The following ERICH6B variants were observed in gnomAD, a reference collection of about 807,000 sequenced individuals.
ERICH6B encodes the protein glutamate rich 6B.
ERICH6B carries 69 observed loss-of-function variants against 80.0 expected under a neutral mutation model. The ratio of observed to expected loss-of-function variants is 0.86; its 90% confidence interval spans 0.71 to 1.05. The LOEUF is 1.05. ERICH6B is among the 50% of genes least tolerant of loss of function. ERICH6B has a pLI of 0.00. For missense variants in ERICH6B, 754 were observed against 796.1 expected (o/e 0.95, Z 0.64); for synonymous variants, 283 against 291.9 (o/e 0.97, Z 0.31).
chr13:45,563,497 A>G (rs1401921518), intron 10 of ERICH6B, among the ~76,000 whole-genome samples: 1 of 152,152 alleles, frequency 6.6e-6, no homozygotes, highest in Non-Finnish European at 1.5e-5. Flanking sequence ...CTCTGTGTTC[A>G]GATCCCCCAC....
intron 3 of ERICH6B, 29 bp from the exon 4 acceptor site, chr13:45,590,726 A>G: frequency 6.5e-7 from 1 of 1,540,662 alleles, no homozygotes; most frequent in South Asian, 1.2e-5. Context: ...AAAAAGCAAT[A>G]TTGGCAAAAA....
chr13:45,546,451 T>C (rs2986000), intron 13 of ERICH6B, among the ~76,000 whole-genome samples: 92,373 of 152,078 alleles, frequency 0.61, 30,121 homozygotes, highest in African/African-American at 0.84. Context: ...ATGTACTACA[T>C]TTTATCTAGA....
At chr13:45,562,156 G>A (rs1038626291) in intron 10 of ERICH6B, among the ~76,000 whole-genome samples, 1 of 152,172 alleles carries the variant, frequency 6.6e-6, no homozygotes, top group Admixed American at 6.5e-5. Context: ...TCTGCCTCCT[G>A]GGTTCAAGCA....
chr13:45,604,141 T>C (rs918902611), intron 2 of ERICH6B, among the ~76,000 whole-genome samples: 3 of 152,226 alleles, frequency 2.0e-5, no homozygotes, highest in African/African-American at 7.2e-5. Flanking sequence ...TCTCTCACAG[T>C]GCAGTGCGGT....
chr13:45,580,819 T>C (rs1875626007), intron 5 of ERICH6B, among the ~76,000 whole-genome samples, 154 bp from the exon 6 acceptor site: 1 of 152,136 alleles, frequency 6.6e-6, no homozygotes, highest in Admixed American at 6.5e-5. Flanking sequence ...AGCTGGCATA[T>C]ATAGATGCCC....
At chr13:45,579,784 G>A in intron 7 of ERICH6B, 149 bp downstream of exon 7, 1 of 669,342 alleles carries the variant, frequency 1.5e-6, no homozygotes, top group East Asian at 2.7e-5. Context: ...AGGAGGTTTG[G>A]GGTCCGTGTG....
chr13:45,601,007 C>A (rs142694229), intron 2 of ERICH6B, among the ~76,000 whole-genome samples: 8 of 152,300 alleles, frequency 5.3e-5, no homozygotes, highest in African/African-American at 1.9e-4. Context: ...CCTCCCCATG[C>A]CCCAGGCCTG....
chr13:45,566,824 G>A (rs896171239), intron 9 of ERICH6B, among the ~76,000 whole-genome samples: 1 of 152,224 alleles, frequency 6.6e-6, no homozygotes, highest in African/African-American at 2.4e-5. Context: ...ATGGAGCTAT[G>A]AGAAGAGGGC....
At position 45,607,578 on chromosome 13, in the gene ERICH6B, A is replaced by G. The variant is rs1013459400; in HGVS notation, c.-73T>C. The G allele has an allele frequency of 6.6e-6, 1 of 152,438 alleles. No homozygotes were observed. The allele number at this position is 152,438 out of a possible 1,614,324, so 9.4% of individuals were successfully genotyped here. On this transcript the variant is annotated 5_prime_UTR_variant, in exon 2 of 15. Transcript: ENST00000298738. ...TGAGTACTTACAATGTCAGGGGGTA[A>G]ACTGAGTCCAAGCCAAGAGAGTTTT...
At chr13:45,562,029 T>A (rs1296522173) in intron 10 of ERICH6B, among the ~76,000 whole-genome samples, 1 of 152,244 alleles carries the variant, frequency 6.6e-6, no homozygotes, top group Non-Finnish European at 1.5e-5. Context: ...ATGATTGGGC[T>A]CTGTGATCAT....
At chr13:45,543,309 G>C (rs577683550) in intron 14 of ERICH6B, among the ~76,000 whole-genome samples, 79 of 152,302 alleles carry the variant, frequency 5.2e-4, no homozygotes, top group African/African-American at 1.9e-3. Flanking sequence ...TCAACATTTT[G>C]AGTAGGTGGA....
intron 5 of ERICH6B, among the ~76,000 whole-genome samples, chr13:45,582,137 A>G (rs967542302): frequency 2.0e-5 from 3 of 152,082 alleles, no homozygotes; most frequent in African/African-American, 7.2e-5. Flanking sequence ...TCTTTGTGTG[A>G]CGTAGTCTCC....
Position 45,568,322 on chromosome 13 carries a change from C to A in ERICH6B, c.1180G>T (p.Val394Leu). The A allele has an allele frequency of 6.5e-7, 1 of 1,542,238 alleles. No homozygotes were observed. Among genetic ancestry groups the A allele is most frequent in the South Asian group, 1.2e-5 (1 of 81,488 alleles). ...GCCTCACCAGTTACTTACATAATTA[C>A]CAGTTTCCATCTGTTTTCACTTTCC... ...LLESENRWKL[V>L]IMLKKNYEKF... The change falls in exon 9 of 15, where the codon GTA becomes TTA. Residue 394 changes from valine (V) to leucine (L), a missense_variant. Val to Leu is a conservative substitution (Grantham distance 32). Coordinates refer to ENST00000298738, the MANE Select transcript of ERICH6B (RefSeq NM_182542.3).
intron 13 of ERICH6B, among the ~76,000 whole-genome samples, 191 bp downstream of exon 13, chr13:45,549,702 G>A (rs1352013907): frequency 2.0e-5 from 3 of 152,196 alleles, no homozygotes; most frequent in East Asian, 1.9e-4. Flanking sequence ...GAGGAGCAAC[G>A]GTGCAGGAAG....
At chr13:45,572,199 T>C (rs1357333353) in intron 8 of ERICH6B, among the ~76,000 whole-genome samples, 1 of 152,236 alleles carries the variant, frequency 6.6e-6, no homozygotes, top group Non-Finnish European at 1.5e-5. Context: ...TGTACCCTTC[T>C]TGTCCTCTTC....
intron 1 of ERICH6B, among the ~76,000 whole-genome samples, chr13:45,613,917 G>A (rs969109752): frequency 6.6e-6 from 1 of 152,302 alleles, no homozygotes; most frequent in Admixed American, 6.5e-5. Context: ...GGGGACTCAT[G>A]GATACAGATT....
At chr13:45,596,326 T>A in intron 3 of ERICH6B, 43 bp downstream of exon 3, 1 of 1,511,146 alleles carries the variant, frequency 6.6e-7, no homozygotes, top group Non-Finnish European at 8.8e-7. Context: ...CCCTTTCAGA[T>A]ACTTTTCCTC....
intron 13 of ERICH6B, among the ~76,000 whole-genome samples, chr13:45,545,429 A>G (rs986742912): frequency 4.6e-5 from 7 of 152,196 alleles, no homozygotes; most frequent in Admixed American, 3.3e-4. Flanking sequence ...TAGATATGGT[A>G]AATTCTCATT....
At position 45,596,884 on chromosome 13, in the gene ERICH6B, T is replaced by C; in HGVS notation, c.122A>G (p.Glu41Gly). ...AAATGGAGATTCATCCTGTAGACTTTCCTCATCTAGTTCTACTTCAGTATC... is the reference window on the plus strand; with the variant it reads ...AAATGGAGATTCATCCTGTAGACTTCCCTCATCTAGTTCTACTTCAGTATC... ...KEDTEVELDE[E>G]SLQDESPFSP... Residue 41 changes from glutamate to glycine, a missense_variant, in exon 3 of 15, where the codon GAA (glutamate) becomes GGA (glycine). Physicochemically the swap from Glu to Gly is moderately conservative, Grantham distance 98. Transcript: ENST00000298738. 6.4e-7 allele frequency: 1 copy of C among 1,551,872 alleles called. No individual in the cohort carries two copies. Among genetic ancestry groups the C allele is most frequent in the Non-Finnish European group, 8.7e-7 (1 of 1,147,042 alleles).
Sources: gnomAD v4.1 joint callset for allele counts (sites outside exome capture counted in the v4.1 genomes callset) on GRCh38, gnomAD v4.1.1 for gene constraint, MANE v1.5 for transcripts, NCBI Gene and HGNC (gene_info 2026-07-23, HGNC 2026-07-21) for gene names.